ABCA12: variants seen among roughly 807,000 people sequenced by gnomAD.
The protein encoded by ABCA12 is glucosylceramide transporter ABCA12.
Under a neutral mutation model 293.5 loss-of-function variants are expected in ABCA12, and 156 were observed. The ratio of observed to expected loss-of-function variants is 0.53; its 90% CI spans 0.47 to 0.61. ABCA12 has a LOEUF of 0.61. Among genes scored for constraint, ABCA12 ranks in the 20% least tolerant of loss-of-function variants. ABCA12 has a pLI of 0.00. For missense variants in ABCA12, 2,797 were observed against 3,090.2 expected, an observed-to-expected ratio of 0.91 and a Z score of 2.25; for synonymous variants, 1,063 against 1,108.0, an observed-to-expected ratio of 0.96 and a Z score of 0.81.
At chr2:215,134,272 G>T (rs60770812) in intron 1 of ABCA12, among the ~76,000 whole-genome samples, 799 of 135,396 alleles carry the variant, frequency 5.9e-3, no homozygotes, top group African/African-American at 0.025. Context: ...ACATATATAC[G>T]TATATGTGTA....
chr2:215,102,336 T>C (rs74889065), intron 2 of ABCA12, among the ~76,000 whole-genome samples: 7,276 of 152,298 alleles, frequency 0.048, 565 homozygotes, highest in African/African-American at 0.16. Context: ...CAATGGCGCA[T>C]GCCTGTAATC....
At chr2:214,995,323 G>C (rs1028254156) in intron 23 of ABCA12, among the ~76,000 whole-genome samples, 6 of 152,132 alleles carry the variant, frequency 3.9e-5, no homozygotes, top group Middle Eastern at 3.2e-3. Flanking sequence ...AGTAGGACTT[G>C]GGCAGCTTTA....
chr2:214,968,889 C>A, intron 37 of ABCA12, 82 bp from the exon 38 acceptor site: 2 of 1,278,092 alleles, frequency 1.6e-6, no homozygotes, highest in Admixed American at 1.7e-5. Flanking sequence ...ACGAGGAGCT[C>A]AACTTTTTGT....
intron 1 of ABCA12, among the ~76,000 whole-genome samples, chr2:215,115,066 A>G (rs1254043276): frequency 1.3e-5 from 2 of 152,262 alleles, no homozygotes; most frequent in Non-Finnish European, 2.9e-5. Flanking sequence ...AATTTTAAAC[A>G]TATTTTGAAT....
chr2:215,031,387 C>A (rs1347819411), intron 9 of ABCA12, among the ~76,000 whole-genome samples: 1 of 152,164 alleles, frequency 6.6e-6, no homozygotes, highest in African/African-American at 2.4e-5. Context: ...GAACTCCTAA[C>A]CCCCAAGATG....
intron 19 of ABCA12, 44 bp downstream of exon 19, chr2:215,007,683 G>T (rs1461664147): frequency 1.2e-6 from 2 of 1,612,000 alleles, no homozygotes; most frequent in East Asian, 2.2e-5. Flanking sequence ...AAATCTCAAA[G>T]AATTCAAATT....
At chr2:215,031,741 A>T in intron 9 of ABCA12, 80 bp downstream of exon 9, 1 of 1,558,778 alleles carries the variant, frequency 6.4e-7, no homozygotes, top group Non-Finnish European at 8.8e-7. Flanking sequence ...ATACACTGAT[A>T]AGCGAATTAT....
chr2:215,033,932 C>T (rs1323938878), intron 8 of ABCA12, among the ~76,000 whole-genome samples: 6 of 151,764 alleles, frequency 4.0e-5, no homozygotes, highest in African/African-American at 1.5e-4. Flanking sequence ...CGGAGTGAGA[C>T]TCCGTCTCAA....
intron 23 of ABCA12, among the ~76,000 whole-genome samples, chr2:214,992,963 C>A (rs1699956239): frequency 6.6e-6 from 1 of 152,130 alleles, no homozygotes; most frequent in Non-Finnish European, 1.5e-5. Flanking sequence ...ATGCCCCACC[C>A]CCTTAAACCT....
Position 215,010,469 on chromosome 2 carries a change from T to C in ABCA12, c.2334A>G (p.Thr778=). 6.2e-7 allele frequency: 1 copy of C among 1,613,458 alleles called. No individual in the cohort carries two copies. The highest frequency in any genetic ancestry group is 8.5e-7 in the Non-Finnish European group (1 of 1,179,540). The change falls in exon 18 of 53, where the codon ACA becomes ACG. Residue 778 remains threonine (T), a splice_region_variant and synonymous_variant. Coordinates refer to ENST00000272895, the MANE Select transcript of ABCA12 (RefSeq NM_173076.3). ...CTTTATAAAGGGAGAAGCAAAATGGTGCTGGAAGGAAAAAGTGAAATAAAA... is the reference window on the plus strand; with the variant it reads ...CTTTATAAAGGGAGAAGCAAAATGGCGCTGGAAGGAAAAAGTGAAATAAAA... ...ASKYGIPINS[T]PFCFSLYKDI... is the part of the protein sequence containing the mutation.
At chr2:215,103,261 TTC>T (rs1205125514) in intron 2 of ABCA12, among the ~76,000 whole-genome samples, 3 of 102,990 alleles carry the variant, frequency 2.9e-5, no homozygotes, top group Admixed American at 1.2e-4. Context: ...CTCTTAAAAT[TTC>T]TTTCTTTTTT....
chr2:215,051,418 C>T (rs930628212), intron 5 of ABCA12, among the ~76,000 whole-genome samples: 3 of 151,986 alleles, frequency 2.0e-5, no homozygotes, highest in Non-Finnish European at 4.4e-5. Context: ...TGGCCTTTGG[C>T]TCATTTATAT....
intron 48 of ABCA12, among the ~76,000 whole-genome samples, chr2:214,946,770 C>G (rs558443148): frequency 6.6e-6 from 1 of 152,172 alleles, no homozygotes; most frequent in Non-Finnish European, 1.5e-5. Flanking sequence ...CAAAGTTAGA[C>G]TTGGGGTGCA....
At chr2:215,039,142 T>C (rs1054225754) in intron 7 of ABCA12, 5 of 152,192 alleles carry the variant, frequency 3.3e-5, no homozygotes, top group Admixed American at 6.5e-5. Flanking sequence ...TTCTCAACTT[T>C]TGAGATTGCT....
At chr2:214,952,122 T>A (rs1347910728) in intron 44 of ABCA12, among the ~76,000 whole-genome samples, 1 of 152,090 alleles carries the variant, frequency 6.6e-6, no homozygotes, top group Non-Finnish European at 1.5e-5. Flanking sequence ...TTTCTTCTGA[T>A]GAGATCCCCA....
chr2:214,956,854 G>A, intron 41 of ABCA12, 76 bp from the exon 42 acceptor site: 5 of 994,468 alleles, frequency 5.0e-6, no homozygotes, highest in Non-Finnish European at 7.9e-6. Flanking sequence ...AACCCATCTA[G>A]TTTAAAACTG....
At position 214,982,060 on chromosome 2, in the gene ABCA12, T is replaced by C. The variant is rs531787513; in HGVS notation, c.4579+127A>G. 27 of 909,932 alleles carry C rather than the reference T, an allele frequency of 3.0e-5. No homozygotes were observed. The South Asian group carries it at 3.2e-4, about 11-fold the overall frequency. The allele number at this position is 909,932 out of a possible 1,614,324, so 56.4% of individuals were successfully genotyped here. On this transcript the variant is annotated intron_variant, in intron 30 of 52. Coordinates refer to ENST00000272895, the MANE Select transcript of ABCA12 (RefSeq NM_173076.3). Reference sequence around the variant, plus strand: ...CTCCCAGGCTCAAGCAATCCTCCTGTCTTGGCCTCCCAAAGTGCTGGGATT... The same window carrying C: ...CTCCCAGGCTCAAGCAATCCTCCTGCCTTGGCCTCCCAAAGTGCTGGGATT...
At chr2:215,110,383 C>T (rs952759592) in intron 2 of ABCA12, among the ~76,000 whole-genome samples, 5 of 152,198 alleles carry the variant, frequency 3.3e-5, no homozygotes, top group South Asian at 4.1e-4. Flanking sequence ...TGGTGATGGG[C>T]GCCTGTAGTC....
At chr2:215,073,972 G>A (rs963885490) in intron 2 of ABCA12, among the ~76,000 whole-genome samples, 6 of 152,162 alleles carry the variant, frequency 3.9e-5, no homozygotes, top group African/African-American at 1.4e-4. Flanking sequence ...GCATATTAAA[G>A]ACTCTGAAAA....
Sources: allele counts gnomAD v4.1 joint callset (sites outside exome capture counted in the v4.1 genomes callset), GRCh38; gene constraint gnomAD v4.1.1; transcripts MANE v1.5; gene names NCBI Gene and HGNC (gene_info 2026-07-23, HGNC 2026-07-21).